Variants in HAO1 observed in about 807,000 individuals in gnomAD.
The protein encoded by HAO1 is 2-Hydroxyacid oxidase 1.
Under a neutral mutation model 39.7 loss-of-function variants are expected in HAO1, and 34 were observed. That is an observed-to-expected ratio of 0.86 (90% CI 0.65 to 1.14). The LOEUF (loss-of-function observed/expected upper bound fraction) is 1.14. Among genes scored for constraint, HAO1 ranks in the 50% most tolerant of loss-of-function variants. HAO1 has a pLI of 0.00. For synonymous variants in HAO1, 172 were observed against 173.2 expected, an observed-to-expected ratio of 0.99 and a Z score of 0.05; for missense variants, 479 against 464.5, an observed-to-expected ratio of 1.03 and a Z score of -0.29.
chr20:7,883,384 A>T lies in HAO1; in HGVS notation c.*209T>A. 4 of 553,544 alleles carry T rather than the reference A, an allele frequency of 7.2e-6. No individual in the cohort carries two copies. In the East Asian group the frequency reaches 1.1e-4, roughly 16 times the overall value. The allele number at this position is 553,544 out of a possible 1,614,324, so 34.3% of individuals were successfully genotyped here. A position where few individuals can be genotyped will look rare whatever the true frequency, so the allele number is the denominator to read the frequency against. On this transcript the variant is annotated 3_prime_UTR_variant, in exon 8 of 8. Transcript: ENST00000378789. ...ACAGTTAATATATTTCCAGGATGAA[A>T]GTCCATTTCTTTCTAAAAGGTTCCT...
At chr20:7,898,153 A>G (rs2122759581) in intron 4 of HAO1, among the ~76,000 whole-genome samples, 1 of 152,306 alleles carries the variant, frequency 6.6e-6, no homozygotes, top group Admixed American at 6.5e-5. Context: ...GGGTGGGAGC[A>G]GGATTGCTGG....
At chr20:7,919,749 C>T (rs6086284) in intron 2 of HAO1, among the ~76,000 whole-genome samples, 46,517 of 151,998 alleles carry the variant, frequency 0.31, 8,335 homozygotes, top group East Asian at 0.51. Flanking sequence ...GGTGAGAGGA[C>T]GCCTAATGCA....
intron 4 of HAO1, among the ~76,000 whole-genome samples, chr20:7,902,943 G>A (rs185569803): frequency 6.6e-6 from 1 of 152,160 alleles, no homozygotes; most frequent in Non-Finnish European, 1.5e-5. Context: ...CAGATGTTTG[G>A]TCTAGATCTT....
chr20:7,886,744 T>C (rs1227741181), intron 5 of HAO1, among the ~76,000 whole-genome samples: 1 of 152,224 alleles, frequency 6.6e-6, no homozygotes. Context: ...TGGACATAGG[T>C]TGGCATCAAA....
chr20:7,927,056 C>T (rs1416462781), intron 2 of HAO1, among the ~76,000 whole-genome samples: 1 of 151,706 alleles, frequency 6.6e-6, no homozygotes, highest in Non-Finnish European at 1.5e-5. Context: ...TTTGATTTCT[C>T]ATGTTTAAAG....
At position 7,885,501 on chromosome 20, in the gene HAO1, TA is replaced by T; in HGVS notation, c.1042+19del. 2 of 1,525,298 alleles carry T rather than the reference TA, an allele frequency of 1.3e-6. No individual in the cohort carries two copies. The highest frequency in any genetic ancestry group is 1.8e-6 in the Non-Finnish European group (2 of 1,099,356). 94.5% of individuals were successfully genotyped at this position (1,525,298 alleles called of 1,614,324 possible). On this transcript the variant is annotated intron_variant, in intron 7 of 7. Transcript: ENST00000378789. ...AAGATCATAAAAGAAAAGAAAGTTG[TA>T]AACAAGAATGAGTCTTACCACTCAG...
chr20:7,939,070 C>T (rs2050427595), intron 1 of HAO1, among the ~76,000 whole-genome samples: 1 of 151,446 alleles, frequency 6.6e-6, no homozygotes, highest in Non-Finnish European at 1.5e-5. Flanking sequence ...AAGTTAATAT[C>T]GGCCCAAGAA....
At chr20:7,935,353 C>T (rs79882970) in intron 1 of HAO1, among the ~76,000 whole-genome samples, 1,802 of 152,230 alleles carry the variant, frequency 0.012, 39 homozygotes, top group African/African-American at 0.039. Context: ...ACATAGTTTT[C>T]GTTTCACTTC....
chr20:7,919,238 A>T (rs1236583433), intron 2 of HAO1, among the ~76,000 whole-genome samples: 3 of 152,244 alleles, frequency 2.0e-5, no homozygotes, highest in African/African-American at 7.2e-5. Flanking sequence ...CTGATCTTGT[A>T]TGAAATCCCA....
intron 4 of HAO1, 96 bp from the exon 5 acceptor site, chr20:7,895,320 C>A: frequency 1.3e-6 from 1 of 762,334 alleles, no homozygotes; most frequent in Non-Finnish European, 2.4e-6. Context: ...GAGGCTGACT[C>A]CCATCTGCAT....
chr20:7,914,376 G>A lies in HAO1; in HGVS notation c.333C>T (p.Ala111=), dbSNP rs763872323. The A allele has an allele frequency of 5.6e-6, 9 of 1,613,750 alleles. No homozygotes were observed. In the Admixed American group the frequency reaches 1.5e-4, roughly 27 times the overall value. ...LGTGMMLSSW[A]TSSIEEVAEA... ...CCGCCACTTCTTCAATTGAGGAGGT[G>A]GCCCAGGAACTCAACATCATGCCCG... The change falls in exon 3 of 8, where the codon GCC becomes GCT. Residue 111 remains alanine (A), a synonymous_variant. Coordinates refer to ENST00000378789, the MANE Select transcript of HAO1 (RefSeq NM_017545.3).
At chr20:7,887,146 C>G (rs1305763869) in intron 5 of HAO1, among the ~76,000 whole-genome samples, 1 of 152,164 alleles carries the variant, frequency 6.6e-6, no homozygotes, top group Non-Finnish European at 1.5e-5. Flanking sequence ...CTAACTAATA[C>G]AATTGGCTAC....
At chr20:7,914,531 A>ATACTTCTAGGGGATCATAATGG in intron 2 of HAO1, 112 bp from the exon 3 acceptor site, 1 of 1,118,602 alleles carries the variant, frequency 8.9e-7, no homozygotes, top group East Asian at 2.5e-5. Context: ...GGCAATATGA[A>ATACTTCTAGGGGATCATAATGG]GTCAAATCTC....
intron 4 of HAO1, among the ~76,000 whole-genome samples, chr20:7,900,528 G>A (rs1231974449): frequency 2.6e-5 from 4 of 152,116 alleles, no homozygotes; most frequent in African/African-American, 4.8e-5. Flanking sequence ...CATCTGTTAC[G>A]GTGATCTGTG....
chr20:7,933,807 G>T (rs903641023), intron 2 of HAO1, among the ~76,000 whole-genome samples: 1 of 152,136 alleles, frequency 6.6e-6, no homozygotes, highest in Non-Finnish European at 1.5e-5. Flanking sequence ...AGTTGCTAGA[G>T]AACTGGAAAG....
intron 4 of HAO1, among the ~76,000 whole-genome samples, chr20:7,905,706 C>G (rs185395948): frequency 1.3e-5 from 2 of 152,300 alleles, no homozygotes; most frequent in East Asian, 3.9e-4. Context: ...CACTCAAAAA[C>G]TAGTCCTAGC....
intron 3 of HAO1, among the ~76,000 whole-genome samples, chr20:7,907,674 C>G (rs2050254835): frequency 6.6e-6 from 1 of 152,160 alleles, no homozygotes; most frequent in Non-Finnish European, 1.5e-5. Flanking sequence ...CAGTATTTCT[C>G]TAACTCACCT....
At chr20:7,939,615 A>T (rs1337540420) in intron 1 of HAO1, among the ~76,000 whole-genome samples, 2 of 150,748 alleles carry the variant, frequency 1.3e-5, no homozygotes, top group African/African-American at 4.9e-5. Context: ...TAACTGCTAT[A>T]AAAAAAAACC....
At chr20:7,907,336 G>A (rs1424821064) in intron 3 of HAO1, among the ~76,000 whole-genome samples, 1 of 152,146 alleles carries the variant, frequency 6.6e-6, no homozygotes, top group African/African-American at 2.4e-5. Context: ...AGGCATTAGG[G>A]ATGTTGAAGT....
Sources: allele counts gnomAD v4.1 joint callset (sites outside exome capture counted in the v4.1 genomes callset), GRCh38; gene constraint gnomAD v4.1.1; transcripts MANE v1.5; gene names NCBI Gene and HGNC (gene_info 2026-07-23, HGNC 2026-07-21).